The following MICU1 variants were observed in gnomAD, a reference collection of about 807,000 sequenced individuals.
The protein encoded by MICU1 is calcium uptake protein 1, mitochondrial.
A neutral mutation model predicts 56.8 loss-of-function variants in MICU1; 45 were observed. That is an observed-to-expected ratio of 0.79 (90% CI 0.62 to 1.02). The LOEUF (loss-of-function observed/expected upper bound fraction) is 1.02. Ranked by LOEUF, MICU1 falls within the 50% of genes least tolerant of loss-of-function variation. MICU1 has a pLI of 0.00. For missense variants in MICU1, 504 were observed against 587.1 expected, an observed-to-expected ratio of 0.86 and a Z score of 1.46; for synonymous variants, 186 against 195.1, an observed-to-expected ratio of 0.95 and a Z score of 0.39.
At chr10:72,616,068 G>A (rs1841971804) in intron 1 of MICU1, among the ~76,000 whole-genome samples, 1 of 152,148 alleles carries the variant, frequency 6.6e-6, no homozygotes, top group African/African-American at 2.4e-5. Context: ...ATATGCTTAT[G>A]AAAACTGTTT....
chr10:72,469,741 ATAC>A lies in MICU1; in HGVS notation c.933+5356_933+5358del, dbSNP rs1183974727. On this transcript the variant is annotated intron_variant, in intron 8 of 11. Transcript: ENST00000361114. ...AGTTTGCTAAGGCTCCCATAGCAAA[ATAC>A]TACAGACTAGGACTTTTTCTCATAG... 3.9e-5 allele frequency among the ~76,000 whole-genome samples: 6 copies of A among 152,284 alleles called. No individual in the cohort carries two copies. In the South Asian group the frequency reaches 1.2e-3, roughly 32 times the overall value.
At chr10:72,586,111 C>T (rs1489935419) in intron 1 of MICU1, among the ~76,000 whole-genome samples, 2 of 142,992 alleles carry the variant, frequency 1.4e-5, no homozygotes, top group Admixed American at 7.4e-5. Flanking sequence ...CTCTTCCAGG[C>T]TCAAGCAGTT....
At chr10:72,523,371 T>C (rs1174441924) in intron 5 of MICU1, among the ~76,000 whole-genome samples, 4 of 152,216 alleles carry the variant, frequency 2.6e-5, no homozygotes, top group East Asian at 1.9e-4. Flanking sequence ...ACATTGATAA[T>C]GGAATCGTCT....
At chr10:72,515,061 CA>C (rs1457447928) in intron 5 of MICU1, among the ~76,000 whole-genome samples, 2 of 152,206 alleles carry the variant, frequency 1.3e-5, no homozygotes, top group Non-Finnish European at 2.9e-5. Flanking sequence ...AGCCACCAGA[CA>C]GGTTGATGCC....
intron 1 of MICU1, among the ~76,000 whole-genome samples, chr10:72,612,948 A>G (rs1343734884): frequency 1.3e-5 from 2 of 152,176 alleles, no homozygotes; most frequent in African/African-American, 4.8e-5. Context: ...GACAAAATCC[A>G]TAATATAAAG....
intron 9 of MICU1, among the ~76,000 whole-genome samples, chr10:72,417,032 A>G (rs1864003968): frequency 6.6e-6 from 1 of 152,258 alleles, no homozygotes; most frequent in Admixed American, 6.5e-5. Flanking sequence ...CTGCATTCCC[A>G]GTATTTAGAA....
intron 3 of MICU1, chr10:72,560,519 C>T (rs1840270108): frequency 6.6e-6 from 1 of 152,156 alleles, no homozygotes; most frequent in African/African-American, 2.4e-5. Flanking sequence ...GGTGCAATCT[C>T]TGAAAAATAA....
intron 1 of MICU1, among the ~76,000 whole-genome samples, chr10:72,584,379 A>C (rs2132513173): frequency 6.6e-6 from 1 of 152,320 alleles, no homozygotes; most frequent in Admixed American, 6.5e-5. Context: ...TATTTAAAGC[A>C]AAAACCAACC....
At chr10:72,604,568 C>T (rs1396494921) in intron 1 of MICU1, among the ~76,000 whole-genome samples, 2 of 151,662 alleles carry the variant, frequency 1.3e-5, no homozygotes, top group Non-Finnish European at 2.9e-5. Context: ...CCAGCGTGCC[C>T]GGCCTTCTGC....
chr10:72,491,112 T>C (rs780581202), intron 6 of MICU1, among the ~76,000 whole-genome samples: 1 of 152,214 alleles, frequency 6.6e-6, no homozygotes, highest in Non-Finnish European at 1.5e-5. Flanking sequence ...ACCCTGTCTG[T>C]GAGACCAATG....
At chr10:72,480,670 G>A (rs1261542319) in intron 6 of MICU1, among the ~76,000 whole-genome samples, 3 of 152,200 alleles carry the variant, frequency 2.0e-5, no homozygotes, top group South Asian at 2.1e-4. Flanking sequence ...TGATAAGAGC[G>A]AAGTCAATAT....
chr10:72,591,383 G>A (rs965141943), intron 1 of MICU1, among the ~76,000 whole-genome samples: 1 of 151,640 alleles, frequency 6.6e-6, no homozygotes, highest in African/African-American at 2.4e-5. Flanking sequence ...AATGATTAGA[G>A]CAGAAATGAA....
chr10:72,501,524 T>C (rs748129602), intron 6 of MICU1, among the ~76,000 whole-genome samples: 2 of 152,134 alleles, frequency 1.3e-5, no homozygotes, highest in African/African-American at 2.4e-5. Context: ...ATGTCTGTAG[T>C]GAATATCATT....
intron 10 of MICU1, among the ~76,000 whole-genome samples, chr10:72,399,632 C>T (rs1459331047): frequency 6.6e-6 from 1 of 151,510 alleles, no homozygotes; most frequent in Non-Finnish European, 1.5e-5. Context: ...GGTGACAAAG[C>T]GAAACTCCAT....
intron 8 of MICU1, among the ~76,000 whole-genome samples, chr10:72,438,616 T>C (rs1486891032): frequency 4.6e-5 from 7 of 152,100 alleles, no homozygotes; most frequent in Non-Finnish European, 1.0e-4. Context: ...CAGGAGCTGT[T>C]TTTTTGAAAA....
chr10:72,511,155 A>G (rs760719584), intron 5 of MICU1, among the ~76,000 whole-genome samples: 4 of 152,216 alleles, frequency 2.6e-5, no homozygotes, highest in Non-Finnish European at 5.9e-5. Flanking sequence ...ATTTAACCAC[A>G]CAGTACGTAG....
chr10:72,508,423 GT>G, intron 5 of MICU1, 154 bp from the exon 6 acceptor site: 1 of 412,138 alleles, frequency 2.4e-6, no homozygotes, highest in Non-Finnish European at 4.3e-6. Flanking sequence ...ATCCTTTACA[GT>G]TTTCAAGATG....
At chr10:72,577,505 G>A (rs558031934) in intron 1 of MICU1, among the ~76,000 whole-genome samples, 23 of 142,908 alleles carry the variant, frequency 1.6e-4, no homozygotes, top group South Asian at 4.4e-4. Flanking sequence ...GCTAAACTCC[G>A]TCTCAAAAAA....
intron 1 of MICU1, among the ~76,000 whole-genome samples, chr10:72,589,045 T>C (rs1841147124): frequency 6.6e-6 from 1 of 152,138 alleles, no homozygotes; most frequent in Non-Finnish European, 1.5e-5. Context: ...CCCAGCACTT[T>C]GGGAGGCCGA....
Sources: allele counts gnomAD v4.1 joint callset (sites outside exome capture counted in the v4.1 genomes callset), GRCh38; gene constraint gnomAD v4.1.1; transcripts MANE v1.5; gene names NCBI Gene and HGNC (gene_info 2026-07-23, HGNC 2026-07-21).